Variants in NCS1 observed in about 807,000 individuals in gnomAD.
NCS1 encodes frequenin homolog.
Under a neutral mutation model 28.4 loss-of-function variants are expected in NCS1, and 6 were observed. The ratio of observed to expected loss-of-function variants is 0.21; its 90% CI spans 0.12 to 0.42. The LOEUF (loss-of-function observed/expected upper bound fraction) is 0.42, where lower values mean the gene tolerates loss of function less well. Among genes scored for constraint, NCS1 ranks in the 10% least tolerant of loss-of-function variants. The pLI is 1.00. For missense variants in NCS1, 131 were observed against 241.4 expected, an observed-to-expected ratio of 0.54 and a Z score of 3.03; for synonymous variants, 86 against 99.3, an observed-to-expected ratio of 0.87 and a Z score of 0.79.
At position 130,191,943 on chromosome 9, in the gene NCS1, A is replaced by T. The variant is rs1234620355; in HGVS notation, c.65-9015A>T. Among the ~76,000 whole-genome samples the T allele has an allele frequency of 1.3e-5, 2 of 152,176 alleles. No individual in the cohort carries two copies. Among genetic ancestry groups the T allele is most frequent in the East Asian group, 1.9e-4 (1 of 5,180 alleles). On this transcript the variant is annotated intron_variant, in intron 1 of 7. Transcript: ENST00000372398. The surrounding 1 kb of genome is among the most constrained non-coding windows in gnomAD (Gnocchi z 6.4). ...GGGACACCACTCCCACAGTGGGGAC[A>T]CGTGATGGGGGGCTGGAGGGCAGAA...
At chr9:130,205,537 GAAAAAAA>G (rs1194053393) in intron 2 of NCS1, among the ~76,000 whole-genome samples, 1 of 115,192 alleles carries the variant, frequency 8.7e-6, no homozygotes, top group Non-Finnish European at 1.7e-5. Context: ...TCGTCTCTTA[GAAAAAAA>G]AAAAAAAAAA....
At chr9:130,185,701 C>T (rs782481839) in intron 1 of NCS1, among the ~76,000 whole-genome samples, 1 of 152,220 alleles carries the variant, frequency 6.6e-6, no homozygotes, top group Non-Finnish European at 1.5e-5. Flanking sequence ...CGAATGCTTT[C>T]CTTCTGTTCA....
intron 7 of NCS1, among the ~76,000 whole-genome samples, chr9:130,231,034 T>C (rs1833494757): frequency 6.6e-6 from 1 of 152,126 alleles, no homozygotes; most frequent in Admixed American, 6.5e-5. Context: ...AGTCTACCCA[T>C]TGTAATAGGT....
In NCS1 at chr9:130,192,041, C is replaced by T. The variant is rs1319481232; in HGVS notation, c.65-8917C>T. ...GCGGCTTTGCTCAGCCAGGAGTGCC[C>T]GGGAGCTCTGGGCAGCAGGCCAGGC... On this transcript the variant is annotated intron_variant, in intron 1 of 7. Coordinates refer to ENST00000372398, the MANE Select transcript of NCS1 (RefSeq NM_014286.4). This position sits in a 1 kb window ranked among gnomAD's most constrained non-coding sequence, Gnocchi z 4.8. Among the ~76,000 whole-genome samples, 13 of 152,230 alleles carry T rather than the reference C, an allele frequency of 8.5e-5. No individual in the cohort carries two copies. Among genetic ancestry groups the T allele is most frequent in the Middle Eastern group, 3.4e-3 (1 of 294 alleles).
At chr9:130,228,889 C>T (rs1178758238) in intron 7 of NCS1, among the ~76,000 whole-genome samples, 1 of 151,264 alleles carries the variant, frequency 6.6e-6, no homozygotes, top group South Asian at 2.1e-4. Flanking sequence ...AGGCTGGTCT[C>T]GAACTCCTGA....
intron 1 of NCS1, among the ~76,000 whole-genome samples, chr9:130,190,715 C>T (rs1412175981): frequency 1.3e-5 from 2 of 152,224 alleles, no homozygotes; most frequent in Non-Finnish European, 2.9e-5. Context: ...TATCTCCCAG[C>T]TAAAGCCTTC....
In NCS1 at chr9:130,213,821, C is replaced by T. The variant is rs1193153461; in HGVS notation, c.90-4011C>T. ...CTCAAACTCCTGACCTCAAATGATC[C>T]GCCCACCTCTGCCTCCCAAAGTGCT... is the stretch of plus-strand genomic sequence containing the variant. On this transcript the variant is annotated intron_variant, in intron 2 of 7. Transcript: ENST00000372398. 2.6e-5 allele frequency among the ~76,000 whole-genome samples: 4 copies of T among 152,060 alleles called. No individual in the cohort carries two copies. The East Asian group carries it at 7.7e-4, about 29-fold the overall frequency.
intron 6 of NCS1, among the ~76,000 whole-genome samples, chr9:130,224,352 A>T (rs1647565619): frequency 6.8e-6 from 1 of 146,916 alleles, no homozygotes; most frequent in African/African-American, 2.5e-5. Context: ...AGATCGCGCC[A>T]TTGCACTCCA....
At chr9:130,188,156 A>G (rs1327586872) in intron 1 of NCS1, among the ~76,000 whole-genome samples, 2 of 152,146 alleles carry the variant, frequency 1.3e-5, no homozygotes, top group African/African-American at 4.8e-5. Flanking sequence ...ACATTTTGGG[A>G]TACTTGCTGT....
chr9:130,185,488 G>T (rs565244137), intron 1 of NCS1, among the ~76,000 whole-genome samples: 11 of 152,310 alleles, frequency 7.2e-5, no homozygotes, highest in Admixed American at 5.9e-4. Flanking sequence ...GGTGTGGGGA[G>T]GCTGGGCCCC....
chr9:130,212,194 C>T (rs1032349605), intron 2 of NCS1, among the ~76,000 whole-genome samples: 1 of 152,164 alleles, frequency 6.6e-6, no homozygotes, highest in Non-Finnish European at 1.5e-5. Context: ...CGCGTGCCTG[C>T]CTCTCAGATC....
rs190718593 is a variant in NCS1, at chr9:130,217,913, G to T, written c.171G>T (p.Pro57=). The T allele has an allele frequency of 6.2e-7, 1 of 1,614,050 alleles. No homozygotes were observed. The highest frequency in any genetic ancestry group is 1.3e-5 in the African/African-American group (1 of 74,918). ...GFQKIYKQFF[P]FGDPTKFATF... Reference sequence around the variant, plus strand: ...AGAAGATCTACAAGCAATTCTTCCCGTTCGGAGACCCCACCAAGTTTGCCA... The same window carrying T: ...AGAAGATCTACAAGCAATTCTTCCCTTTCGGAGACCCCACCAAGTTTGCCA... Residue 57 remains proline (P), a synonymous_variant, in exon 3 of 8, where the codon CCG becomes CCT. Coordinates refer to ENST00000372398, the MANE Select transcript of NCS1 (RefSeq NM_014286.4).
At chr9:130,184,872 CG>C (rs1414220131) in intron 1 of NCS1, among the ~76,000 whole-genome samples, 1 of 151,892 alleles carries the variant, frequency 6.6e-6, no homozygotes, top group African/African-American at 2.4e-5. Flanking sequence ...GACCTTGATC[CG>C]CCTGTCTCAG....
rs571253613 is a variant in NCS1, at chr9:130,172,636, G to T, written c.-28G>T. The T allele has an allele frequency of 2.9e-5, 41 of 1,399,920 alleles. No individual in the cohort carries two copies. The South Asian group carries it at 5.2e-4, about 18-fold the overall frequency. The allele number at this position is 1,399,920 out of a possible 1,614,324, so 86.7% of individuals were successfully genotyped here. On this transcript the variant is annotated 5_prime_UTR_variant, in exon 1 of 8. Coordinates refer to ENST00000372398, the MANE Select transcript of NCS1 (RefSeq NM_014286.4). ...TGGGCGCCCCAACCGGGTCCGGCCC[G>T]GGGGGGCGGGGGCCGCGGCCGCCGA...
intron 1 of NCS1, among the ~76,000 whole-genome samples, chr9:130,196,479 C>T (rs887428322): frequency 6.6e-6 from 1 of 152,212 alleles, no homozygotes; most frequent in Non-Finnish European, 1.5e-5. Flanking sequence ...CGTCTCACGC[C>T]TGTAACCCCA....
chr9:130,195,391 G>T (rs1427114169), intron 1 of NCS1, among the ~76,000 whole-genome samples: 4 of 152,024 alleles, frequency 2.6e-5, no homozygotes, highest in African/African-American at 7.2e-5. Context: ...GCCAAGGCAG[G>T]GTCGGGAGGG....
At position 130,235,364 on chromosome 9, in the gene NCS1, CA is replaced by C. The variant is rs1265435509; in HGVS notation, c.*2395del. On this transcript the variant is annotated 3_prime_UTR_variant, in exon 8 of 8. Transcript: ENST00000372398. ...AGGATGAGGGAGGTCTTTCCCAGGT[CA>C]AATTACTTTCCTTTGGCCTCTGCCT... The C allele has an allele frequency of 2.6e-5, 4 of 152,442 alleles. No individual in the cohort carries two copies. Among genetic ancestry groups the C allele is most frequent in the African/African-American group, 9.6e-5 (4 of 41,464 alleles). The allele number at this position is 152,442 out of a possible 1,614,324, so 9.4% of individuals were successfully genotyped here.
intron 1 of NCS1, among the ~76,000 whole-genome samples, chr9:130,194,249 G>A (rs777714426): frequency 2.6e-5 from 4 of 152,190 alleles, no homozygotes; most frequent in Admixed American, 1.3e-4. Context: ...ACTGGCTCTC[G>A]TGTTCATTCC....
chr9:130,188,666 C>T (rs1832773272), intron 1 of NCS1, among the ~76,000 whole-genome samples: 1 of 151,956 alleles, frequency 6.6e-6, no homozygotes, highest in Non-Finnish European at 1.5e-5. Flanking sequence ...CCTTCTTGGC[C>T]TCCCAAAGTG....
Sources: gnomAD v4.1 joint callset for allele counts (sites outside exome capture counted in the v4.1 genomes callset) on GRCh38, gnomAD v4.1.1 for gene constraint, Gnocchi (gnomAD v3.1) non-coding constraint, MANE v1.5 for transcripts, NCBI Gene and HGNC (gene_info 2026-07-23, HGNC 2026-07-21) for gene names.